NPAS3: variants seen among roughly 807,000 people sequenced by gnomAD.
NPAS3 encodes neuronal PAS domain protein 3.
Under a neutral mutation model 73.1 loss-of-function variants are expected in NPAS3, and 14 were observed. The ratio of observed to expected loss-of-function variants is 0.19; its 90% CI spans 0.13 to 0.30. The LOEUF is 0.30. Ranked by LOEUF, NPAS3 falls within the 10% of genes least tolerant of loss-of-function variation. The pLI is 1.00. For synonymous variants in NPAS3, 620 were observed against 541.5 expected (o/e 1.14, Z -2.01); for missense variants, 1,096 against 1,250.0 (o/e 0.88, Z 1.86).
At chr14:33,297,713 T>G (rs767783417) in intron 3 of NPAS3, among the ~76,000 whole-genome samples, 1 of 152,214 alleles carries the variant, frequency 6.6e-6, no homozygotes, top group African/African-American at 2.4e-5. Flanking sequence ...AAGAATCCTT[T>G]CCTTTCATTA....
intron 6 of NPAS3, among the ~76,000 whole-genome samples, chr14:33,721,047 T>C (rs941596763): frequency 6.6e-6 from 1 of 152,190 alleles, no homozygotes; most frequent in African/African-American, 2.4e-5. Flanking sequence ...ATTGTCAAAA[T>C]AGCAGGAATT....
intron 2 of NPAS3, among the ~76,000 whole-genome samples, chr14:33,148,481 A>G (rs1196001778): frequency 1.3e-5 from 2 of 152,156 alleles, no homozygotes; most frequent in East Asian, 3.9e-4. Context: ...GTATAGAGAT[A>G]CACACTGGAT....
At chr14:33,481,000 C>T (rs931168455) in intron 4 of NPAS3, among the ~76,000 whole-genome samples, 2 of 151,992 alleles carry the variant, frequency 1.3e-5, no homozygotes, top group Non-Finnish European at 2.9e-5. Flanking sequence ...GAGCCTCATG[C>T]GTCCCCGTTT....
At chr14:33,168,265 T>C (rs2045243856) in intron 2 of NPAS3, among the ~76,000 whole-genome samples, 1 of 152,110 alleles carries the variant, frequency 6.6e-6, no homozygotes, top group Non-Finnish European at 1.5e-5. Flanking sequence ...CTCTTTAGTA[T>C]AGTTTAGAGA....
intron 5 of NPAS3, among the ~76,000 whole-genome samples, chr14:33,575,882 T>C (rs2056413094): frequency 6.6e-6 from 1 of 152,050 alleles, no homozygotes; most frequent in African/African-American, 2.4e-5. Context: ...TTTCGTTTCC[T>C]GAGAAAGAGA....
intron 4 of NPAS3, among the ~76,000 whole-genome samples, chr14:33,551,808 T>A (rs993355974): frequency 1.3e-5 from 2 of 152,180 alleles, no homozygotes; most frequent in African/African-American, 4.8e-5. Flanking sequence ...TGGGAATTTC[T>A]TCAAAGTCTG....
At chr14:33,171,761 A>C (rs1175732345) in intron 2 of NPAS3, among the ~76,000 whole-genome samples, 2 of 152,198 alleles carry the variant, frequency 1.3e-5, no homozygotes, top group Admixed American at 1.3e-4. Flanking sequence ...TTGCACTCAC[A>C]ATGTGGCTAA....
At chr14:33,430,253 A>G (rs746340588) in intron 4 of NPAS3, among the ~76,000 whole-genome samples, 1 of 151,844 alleles carries the variant, frequency 6.6e-6, no homozygotes, top group Non-Finnish European at 1.5e-5. Context: ...CCCCTCCCCC[A>G]TTCTTCTTTT....
chr14:33,580,357 G>T (rs2056613827), intron 5 of NPAS3, among the ~76,000 whole-genome samples: 1 of 152,172 alleles, frequency 6.6e-6, no homozygotes, highest in African/African-American at 2.4e-5. Context: ...ATCATTGTTT[G>T]CTATGAACCT....
At chr14:33,207,071 C>T (rs1053093835) in intron 2 of NPAS3, among the ~76,000 whole-genome samples, 2 of 152,140 alleles carry the variant, frequency 1.3e-5, no homozygotes, top group Non-Finnish European at 2.9e-5. Flanking sequence ...AAACTTGCGA[C>T]CTGAAGAGAG....
chr14:33,092,817 C>T (rs540692667), intron 2 of NPAS3, among the ~76,000 whole-genome samples: 1 of 152,236 alleles, frequency 6.6e-6, no homozygotes, highest in East Asian at 1.9e-4. Flanking sequence ...TAACAACACA[C>T]ATCTACAACC....
intron 1 of NPAS3, among the ~76,000 whole-genome samples, chr14:33,055,698 A>G (rs140177701): frequency 3.3e-5 from 5 of 152,322 alleles, no homozygotes; most frequent in African/African-American, 9.6e-5. Context: ...GTCCTGATAA[A>G]GAACTGAAAA....
intron 1 of NPAS3, among the ~76,000 whole-genome samples, chr14:32,963,962 G>A (rs1029728522): frequency 2.6e-5 from 4 of 151,638 alleles, no homozygotes; most frequent in East Asian, 3.9e-4. Flanking sequence ...TCAGTTTTTC[G>A]CTATCCTTCC....
At chr14:33,090,356 T>C (rs1004664691) in intron 2 of NPAS3, among the ~76,000 whole-genome samples, 1 of 152,140 alleles carries the variant, frequency 6.6e-6, no homozygotes, top group African/African-American at 2.4e-5. Flanking sequence ...TCCTAGTCTC[T>C]GATAAAACAG....
chr14:33,533,256 A>G (rs565294858), intron 4 of NPAS3, among the ~76,000 whole-genome samples: 1 of 152,292 alleles, frequency 6.6e-6, no homozygotes, highest in South Asian at 2.1e-4. Flanking sequence ...TACATCGTAT[A>G]AGGCAAAGGA....
chr14:33,127,410 A>G lies in NPAS3; in HGVS notation c.140+71416A>G, dbSNP rs185519756. ...TCCTTATTTTACCTTTAATCTTTTG[A>G]TGTGGTAAATTACACTTAATGATGT... On this transcript the variant is annotated intron_variant, in intron 2 of 11. Coordinates refer to ENST00000356141, the Ensembl canonical transcript of NPAS3. Among the ~76,000 whole-genome samples, 9 of 152,144 alleles carry G rather than the reference A, an allele frequency of 5.9e-5. No homozygotes were observed. The East Asian group carries it at 1.7e-3, about 29-fold the overall frequency.
intron 4 of NPAS3, among the ~76,000 whole-genome samples, chr14:33,534,217 TAAAA>T (rs5807733): frequency 7.2e-6 from 1 of 138,390 alleles, no homozygotes; most frequent in South Asian, 2.4e-4. Context: ...CACAGAGCAG[TAAAA>T]AAAAAAAAAA....
chr14:33,119,537 A>G (rs1044575050), intron 2 of NPAS3, among the ~76,000 whole-genome samples: 2 of 152,116 alleles, frequency 1.3e-5, no homozygotes, highest in Non-Finnish European at 2.9e-5. Context: ...GATTTGTACT[A>G]CACCAGATAA....
intron 6 of NPAS3, among the ~76,000 whole-genome samples, chr14:33,679,476 ATAAC>A (rs952129255): frequency 7.0e-4 from 106 of 151,596 alleles, no homozygotes; most frequent in African/African-American, 2.4e-3. Context: ...CTAATTCTTA[ATAAC>A]TAACATGAAG....
Sources: allele counts gnomAD v4.1 joint callset (sites outside exome capture counted in the v4.1 genomes callset), GRCh38; gene constraint gnomAD v4.1.1; transcripts MANE v1.5; gene names NCBI Gene and HGNC (gene_info 2026-07-23, HGNC 2026-07-21).